Variants in LRRC43 observed in about 807,000 individuals in gnomAD.
LRRC43 encodes the protein leucine rich repeat containing 43.
A neutral mutation model predicts 64.3 loss-of-function variants in LRRC43; 62 were observed. That is an observed-to-expected ratio of 0.96 (90% CI 0.79 to 1.19). LRRC43 has a LOEUF of 1.19. Among genes scored for constraint, LRRC43 ranks in the 50% most tolerant of loss-of-function variants. LRRC43 has a pLI of 0.00. For missense variants in LRRC43, 868 were observed against 845.0 expected (o/e 1.03, Z -0.34); for synonymous variants, 422 against 382.3 (o/e 1.10, Z -1.21).
In LRRC43 at chr12:122,200,804, C is replaced by T. The variant is rs759956709; in HGVS notation, c.1679C>T (p.Pro560Leu). 10 of 1,612,976 alleles carry T rather than the reference C, an allele frequency of 6.2e-6. No individual in the cohort carries two copies. The highest frequency in any genetic ancestry group is 8.5e-6 in the Non-Finnish European group (10 of 1,180,032). The change falls in exon 10 of 12, where the codon CCC becomes CTC. Residue 560 changes from proline to leucine, a missense_variant. Coordinates refer to ENST00000339777, the MANE Select transcript of LRRC43 (RefSeq NM_001098519.2). This position sits in a 1 kb window ranked among gnomAD's most constrained non-coding sequence, Gnocchi z 4.6. ...CCCAAGGAGCTCCGGCAGGACCCCC[C>T]CATCCTCCAGGTGCTGGGCCGGGGC... is the stretch of plus-strand genomic sequence containing the variant. The part of the protein sequence containing the change: ...EPPKELRQDP[P>L]ILQVLGRGLV...
chr12:122,170,558 G>C (rs1385247780), intron 1 of LRRC43, among the ~76,000 whole-genome samples: 3 of 152,080 alleles, frequency 2.0e-5, no homozygotes, highest in Admixed American at 2.0e-4. Context: ...TTGAACCTGG[G>C]AGGCGGAGCT....
Position 122,190,249 on chromosome 12 carries a change from C to T in LRRC43, c.782C>T (p.Ala261Val). 6.2e-7 allele frequency: 1 copy of T among 1,614,206 alleles called. No homozygotes were observed. Among genetic ancestry groups the T allele is most frequent in the Non-Finnish European group, 8.5e-7 (1 of 1,180,042 alleles). The stretch of plus-strand genomic sequence containing the variant: ...CTGGTGCTGCAGGGAAACCCACTGG[C>T]CTTGGTGCCCTACTACCGCGGCCTC... The part of the protein sequence containing the change: ...RLLVLQGNPL[A>V]LVPYYRGLTI... Residue 261 changes from alanine to valine, a missense_variant, in exon 5 of 12, where the codon GCC (alanine) becomes GTC (valine). Ala to Val is a moderately conservative substitution (Grantham distance 64). Transcript: ENST00000339777.
At chr12:122,187,676 C>G (rs773406086) in intron 3 of LRRC43, 25 bp from the exon 4 acceptor site, 1 of 1,610,856 alleles carries the variant, frequency 6.2e-7, no homozygotes, top group East Asian at 2.2e-5. Flanking sequence ...CCCCATCGTC[C>G]CGGGCCTTCC....
intron 4 of LRRC43, chr12:122,189,596 G>C (rs11060051): frequency 0.35 from 143,449 of 413,338 alleles, 27,613 homozygotes; most frequent in Non-Finnish European, 0.42. Context: ...CCCCTCCCAG[G>C]CCCCTTTCCT....
At chr12:122,194,244 G>C (rs1470940855) in intron 7 of LRRC43, among the ~76,000 whole-genome samples, 1 of 150,984 alleles carries the variant, frequency 6.6e-6, no homozygotes, top group Non-Finnish European at 1.5e-5. Flanking sequence ...AACCTTCTTA[G>C]TTACCATTTC....
chr12:122,190,177 T>C lies in LRRC43; in HGVS notation c.710T>C (p.Leu237Pro), dbSNP rs1953699304. 6.2e-7 allele frequency: 1 copy of C among 1,614,010 alleles called. No homozygotes were observed. The highest frequency in any genetic ancestry group is 1.3e-5 in the African/African-American group (1 of 74,902). The change falls in exon 5 of 12, where the codon CTG (leucine) becomes CCG (proline). Residue 237 changes from leucine to proline, a missense_variant. Physicochemically the swap from Leu to Pro is moderately conservative, Grantham distance 98 (BLOSUM62 -3). Coordinates refer to ENST00000339777, the MANE Select transcript of LRRC43 (RefSeq NM_001098519.2). Reference sequence around the variant, plus strand: ...CTGGGCTTCAACGACCTGACAGACCTGCAGAGCATGGTCACCAGCCTGAGG... The same window carrying C: ...CTGGGCTTCAACGACCTGACAGACCCGCAGAGCATGGTCACCAGCCTGAGG... ...LDLGFNDLTD[L>P]QSMVTSLRTL...
At chr12:122,198,824 G>A (rs1953800790) in intron 7 of LRRC43, among the ~76,000 whole-genome samples, 1 of 151,270 alleles carries the variant, frequency 6.6e-6, no homozygotes. Context: ...GTAGAGATGG[G>A]GTTTCACTAT....
chr12:122,182,321 C>T (rs1478373782), upstream of LRRC43, among the ~76,000 whole-genome samples: 1 of 151,914 alleles, frequency 6.6e-6, no homozygotes, highest in Non-Finnish European at 1.5e-5. Context: ...GTCAGGAGTT[C>T]GAGACCAGCC....
chr12:122,184,863 G>A lies in LRRC43; in HGVS notation c.411+84G>A, dbSNP rs1033034010. Reference sequence around the variant, plus strand: ...TGGGGAGGGCACCCTTCCCCACAGCGCGTCAGGGATCCTGCTTTCAGGGCT... The same window carrying A: ...TGGGGAGGGCACCCTTCCCCACAGCACGTCAGGGATCCTGCTTTCAGGGCT... On this transcript the variant is annotated intron_variant, in intron 2 of 11. Coordinates refer to ENST00000339777, the MANE Select transcript of LRRC43 (RefSeq NM_001098519.2). This position sits in a 1 kb window ranked among gnomAD's most constrained non-coding sequence, Gnocchi z 4.0. 33 of 1,431,402 alleles carry A rather than the reference G, an allele frequency of 2.3e-5. No individual in the cohort carries two copies. The highest frequency in any genetic ancestry group is 5.0e-5 in the East Asian group (2 of 40,064). 88.7% of individuals were successfully genotyped at this position (1,431,402 alleles called of 1,614,324 possible).
At chr12:122,203,053 C>T (rs1383399868) in intron 11 of LRRC43, among the ~76,000 whole-genome samples, 1 of 152,138 alleles carries the variant, frequency 6.6e-6, no homozygotes, top group African/African-American at 2.4e-5. Context: ...ATCATGCCAC[C>T]GCACTCCAGC....
At position 122,190,301 on chromosome 12, in the gene LRRC43, C is replaced by T. The variant is rs1294781011; in HGVS notation, c.834C>T (p.Cys278=). 7 of 1,614,020 alleles carry T rather than the reference C, an allele frequency of 4.3e-6. No individual in the cohort carries two copies. Among genetic ancestry groups the T allele is most frequent in the African/African-American group, 1.3e-5 (1 of 74,920 alleles). The stretch of plus-strand genomic sequence containing the variant: ...CCATCGACAGCCTGGCCCAGCTCTG[C>T]GTGCTGGACGACATCACCGTGTCTC... ...GLTIDSLAQL[C]VLDDITVSPN... The change falls in exon 5 of 12, where the codon TGC becomes TGT. Residue 278 remains cysteine, a synonymous_variant. Coordinates refer to ENST00000339777, the MANE Select transcript of LRRC43 (RefSeq NM_001098519.2).
chr12:122,171,564 G>T (rs1317711768), intron 1 of LRRC43, among the ~76,000 whole-genome samples: 1 of 151,990 alleles, frequency 6.6e-6, no homozygotes, highest in East Asian at 1.9e-4. Flanking sequence ...ATCTTGCTAT[G>T]TTGCCCAGGC....
intron 7 of LRRC43, among the ~76,000 whole-genome samples, chr12:122,198,083 C>A (rs188125203): frequency 6.6e-6 from 1 of 151,768 alleles, no homozygotes; most frequent in South Asian, 2.1e-4. Flanking sequence ...CGGGTTCAAG[C>A]GATTCTCCTG....
chr12:122,179,271 T>C (rs1953562178), upstream of LRRC43, among the ~76,000 whole-genome samples: 1 of 152,126 alleles, frequency 6.6e-6, no homozygotes, highest in Non-Finnish European at 1.5e-5. Flanking sequence ...GGCTAACTTT[T>C]TAATTTTAAC....
In LRRC43 at chr12:122,200,799, C is replaced by A. The variant is rs748119777; in HGVS notation, c.1674C>A (p.Asp558Glu). ...KKEPPKELRQ[D>E]PPILQVLGRG... ...AGCCGCCCAAGGAGCTCCGGCAGGA[C>A]CCCCCCATCCTCCAGGTGCTGGGCC... is the stretch of plus-strand genomic sequence containing the variant. The change falls in exon 10 of 12, where the codon GAC becomes GAA. Residue 558 changes from aspartate to glutamate, a missense_variant. By Grantham distance (45) the Asp-to-Glu change is conservative. Coordinates refer to ENST00000339777, the MANE Select transcript of LRRC43 (RefSeq NM_001098519.2). This position sits in a 1 kb window ranked among gnomAD's most constrained non-coding sequence, Gnocchi z 4.6. 2 of 1,612,286 alleles carry A rather than the reference C, an allele frequency of 1.2e-6. No individual in the cohort carries two copies. Among genetic ancestry groups the A allele is most frequent in the African/African-American group, 1.3e-5 (1 of 74,872 alleles).
At chr12:122,172,104 C>G in intron 1 of LRRC43, 1 of 262,664 alleles carries the variant, frequency 3.8e-6, no homozygotes. Context: ...ACTCTTAGTA[C>G]AATAAATATC....
At chr12:122,186,710 G>A (rs1243806075) in intron 3 of LRRC43, among the ~76,000 whole-genome samples, 1 of 152,208 alleles carries the variant, frequency 6.6e-6, no homozygotes, top group African/African-American at 2.4e-5. Flanking sequence ...CCTGAGGTCA[G>A]GAGTTTGAGA....
chr12:122,173,433 C>T lies in LRRC43; in HGVS notation c.-406+5651C>T, dbSNP rs1953506967. ...GCACAGTGGCTCACGCCTGTAATCC[C>T]AGCACTTTGGGAGGCCAAGGCAGGC... is the stretch of plus-strand genomic sequence containing the variant. On this transcript the variant is annotated intron_variant, in intron 1 of 5. Coordinates refer to the LRRC43 transcript ENST00000537729. 2.0e-5 allele frequency among the ~76,000 whole-genome samples: 3 copies of T among 152,208 alleles called. No homozygotes were observed. In the South Asian group the frequency reaches 6.2e-4, roughly 31 times the overall value.
At position 122,200,934 on chromosome 12, in the gene LRRC43, G is replaced by C. The variant is rs1351790218; in HGVS notation, c.1809G>C (p.Arg603Ser). 6.3e-7 allele frequency: 1 copy of C among 1,590,962 alleles called. No homozygotes were observed. The highest frequency in any genetic ancestry group is 8.6e-7 in the Non-Finnish European group (1 of 1,169,034). The change falls in exon 10 of 12, where the codon AGG becomes AGC. Residue 603 changes from arginine to serine, a missense_variant and splice_region_variant. By Grantham distance (110) the Arg-to-Ser change is moderately radical. Coordinates refer to ENST00000339777, the MANE Select transcript of LRRC43 (RefSeq NM_001098519.2). The surrounding 1 kb of genome is among the most constrained non-coding windows in gnomAD (Gnocchi z 4.6). ...CATCTGACAGGCTGACGTTGGCCAG[G>C]GTACAGCCGGGCCCTAGCCACATCC... ...TLTSDRLTLA[R>S]DSKKIKKVAK...
Sources: allele counts gnomAD v4.1 joint callset (sites outside exome capture counted in the v4.1 genomes callset), GRCh38; gene constraint gnomAD v4.1.1; non-coding constraint Gnocchi (gnomAD v3.1); transcripts MANE v1.5; gene names NCBI Gene and HGNC (gene_info 2026-07-23, HGNC 2026-07-21).